Variants in ASIC2 observed in about 807,000 individuals in gnomAD.
ASIC2 encodes acid sensing ion channel subunit 2, also known as acid-sensing ion channel 2.
Under a neutral mutation model 57.3 loss-of-function variants are expected in ASIC2, and 25 were observed. The observed-to-expected ratio is 0.44, with a 90% confidence interval of 0.32 to 0.61. The LOEUF (loss-of-function observed/expected upper bound fraction) is 0.61. Among genes scored for constraint, ASIC2 ranks in the 20% least tolerant of loss-of-function variants. ASIC2 has a pLI of 0.06. For missense variants in ASIC2, 641 were observed against 738.1 expected (o/e 0.87, Z 1.52); for synonymous variants, 319 against 307.5 (o/e 1.04, Z -0.39).
At chr17:33,151,273 C>T (rs1283896842) in intron 1 of ASIC2, among the ~76,000 whole-genome samples, 1 of 151,268 alleles carries the variant, frequency 6.6e-6, no homozygotes, top group Non-Finnish European at 1.5e-5. Context: ...ACTCTGGAGG[C>T]TGAGGCAGAA....
At chr17:34,117,042 A>G (rs1051889397) in intron 1 of ASIC2, among the ~76,000 whole-genome samples, 2 of 152,092 alleles carry the variant, frequency 1.3e-5, no homozygotes, top group African/African-American at 4.8e-5. Flanking sequence ...GGAAATATGT[A>G]TCGTGGGTTT....
intron 1 of ASIC2, among the ~76,000 whole-genome samples, chr17:33,332,369 A>C (rs1382557373): frequency 6.6e-6 from 1 of 152,252 alleles, no homozygotes; most frequent in Non-Finnish European, 1.5e-5. Context: ...ACAAAATAAT[A>C]ACATTTCAAC....
intron 2 of ASIC2, among the ~76,000 whole-genome samples, chr17:33,090,783 G>A (rs2092154691): frequency 6.6e-6 from 1 of 152,152 alleles, no homozygotes; most frequent in Non-Finnish European, 1.5e-5. Flanking sequence ...TCTGGAGCAG[G>A]GCAAGAATTC....
At chr17:33,874,701 C>T (rs405885) in intron 1 of ASIC2, among the ~76,000 whole-genome samples, 41,378 of 152,108 alleles carry the variant, frequency 0.27, 5,831 homozygotes, top group Middle Eastern at 0.36. Flanking sequence ...GGCATCCCCA[C>T]CCTCCTTTGC....
At chr17:33,166,640 T>A (rs1033749320) in intron 1 of ASIC2, among the ~76,000 whole-genome samples, 1 of 152,042 alleles carries the variant, frequency 6.6e-6, no homozygotes, top group African/African-American at 2.4e-5. Context: ...AATAAGGCCC[T>A]CCCCTCCTGG....
intron 1 of ASIC2, among the ~76,000 whole-genome samples, chr17:33,187,512 T>C (rs1456222574): frequency 6.6e-6 from 1 of 152,218 alleles, no homozygotes; most frequent in Non-Finnish European, 1.5e-5. Context: ...TTTTGCTTAA[T>C]AAAGATGTGT....
At chr17:33,746,274 G>A (rs192854566) in intron 1 of ASIC2, among the ~76,000 whole-genome samples, 45 of 147,920 alleles carry the variant, frequency 3.0e-4, no homozygotes, top group African/African-American at 9.7e-4. Flanking sequence ...ATATACATAC[G>A]TGTACATGTA....
At chr17:33,046,826 C>T (rs1469924768) in intron 3 of ASIC2, among the ~76,000 whole-genome samples, 11 of 152,250 alleles carry the variant, frequency 7.2e-5, no homozygotes, top group Admixed American at 5.9e-4. Context: ...TTGACAACTC[C>T]ACGCCCAACA....
chr17:33,806,644 A>G (rs1163461910), intron 1 of ASIC2, among the ~76,000 whole-genome samples: 2 of 152,206 alleles, frequency 1.3e-5, no homozygotes, highest in African/African-American at 4.8e-5. Context: ...CTGAATATTT[A>G]TTGCTCTCCT....
chr17:33,394,994 C>A (rs1173373344), intron 1 of ASIC2, among the ~76,000 whole-genome samples: 2 of 151,384 alleles, frequency 1.3e-5, no homozygotes, highest in African/African-American at 4.9e-5. Context: ...TCTATCCATC[C>A]ATCCCTCCCT....
At chr17:33,352,171 A>G (rs912243906) in intron 1 of ASIC2, among the ~76,000 whole-genome samples, 2 of 151,784 alleles carry the variant, frequency 1.3e-5, no homozygotes, top group African/African-American at 4.8e-5. Flanking sequence ...AAAATCTCCA[A>G]CTTCTTCCAT....
intron 7 of ASIC2, among the ~76,000 whole-genome samples, chr17:33,020,656 G>A (rs2091831780): frequency 6.6e-6 from 1 of 152,214 alleles, no homozygotes; most frequent in Non-Finnish European, 1.5e-5. Flanking sequence ...TGGGGTGGCA[G>A]CAGGTTTGTA....
chr17:33,657,229 AC>A (rs1210485702), intron 1 of ASIC2, among the ~76,000 whole-genome samples: 4 of 151,928 alleles, frequency 2.6e-5, no homozygotes, highest in South Asian at 4.2e-4. Context: ...AGTGGTCCAA[AC>A]CCCCCATCCT....
At chr17:34,134,881 G>A (rs890120963) in intron 1 of ASIC2, among the ~76,000 whole-genome samples, 2 of 152,116 alleles carry the variant, frequency 1.3e-5, no homozygotes, top group African/African-American at 4.8e-5. Flanking sequence ...CCACCCATAC[G>A]TAGGCAGTAC....
chr17:33,796,266 C>G (rs1911916921), intron 1 of ASIC2, among the ~76,000 whole-genome samples: 1 of 152,112 alleles, frequency 6.6e-6, no homozygotes, highest in African/African-American at 2.4e-5. Context: ...CAGAGTGCCA[C>G]AGAATGGAAA....
chr17:33,061,750 C>G (rs1204218919), intron 3 of ASIC2, among the ~76,000 whole-genome samples: 1 of 152,102 alleles, frequency 6.6e-6, no homozygotes, highest in Non-Finnish European at 1.5e-5. Context: ...CCAGCTCCTC[C>G]TTGTACTCTG....
chr17:33,988,798 GTTATCCCCCTATCCC>G, intron 1 of ASIC2, among the ~76,000 whole-genome samples: 1 of 152,122 alleles, frequency 6.6e-6, no homozygotes, highest in African/African-American at 2.4e-5. Context: ...TGGGAGCTAA[GTTATCCCCCTATCCC>G]TGGTGACTCT....
chr17:33,126,936 C>T (rs1405500096), intron 1 of ASIC2, among the ~76,000 whole-genome samples: 48 of 132,988 alleles, frequency 3.6e-4, no homozygotes, highest in Non-Finnish European at 6.3e-4. Flanking sequence ...GGCGCAATCT[C>T]GGCTCACTGC....
At chr17:33,038,869 C>G (rs1430372481) in intron 3 of ASIC2, among the ~76,000 whole-genome samples, 1 of 136,388 alleles carries the variant, frequency 7.3e-6, no homozygotes, top group Admixed American at 7.8e-5. Context: ...GGCGCTGCAG[C>G]AAGCACAGCT....
Sources: allele counts gnomAD v4.1 joint callset (sites outside exome capture counted in the v4.1 genomes callset), GRCh38; gene constraint gnomAD v4.1.1; transcripts MANE v1.5; gene names NCBI Gene and HGNC (gene_info 2026-07-23, HGNC 2026-07-21).